Variants in PRRX2 observed in about 807,000 individuals in gnomAD.
The protein encoded by PRRX2 is paired related homeobox 2.
Under a neutral mutation model 18.0 loss-of-function variants are expected in PRRX2, and 11 were observed. The observed-to-expected ratio is 0.61, with a 90% confidence interval of 0.39 to 1.01. The LOEUF (loss-of-function observed/expected upper bound fraction) is 1.01, where lower values mean the gene tolerates loss of function less well. Ranked by LOEUF, PRRX2 falls within the 50% of genes least tolerant of loss-of-function variation. PRRX2 has a pLI of 0.01. For missense variants in PRRX2, 387 were observed against 351.0 expected, an observed-to-expected ratio of 1.10 and a Z score of -0.82; for synonymous variants, 177 against 154.8, an observed-to-expected ratio of 1.14 and a Z score of -1.06.
intron 1 of PRRX2, among the ~76,000 whole-genome samples, chr9:129,711,034 T>G (rs2130930213): frequency 6.6e-6 from 1 of 152,266 alleles, no homozygotes; most frequent in South Asian, 2.1e-4. Context: ...TGAAGCCACA[T>G]GCTGCAGCCC....
intron 1 of PRRX2, among the ~76,000 whole-genome samples, chr9:129,694,440 C>G (rs1474472346): frequency 6.6e-6 from 1 of 152,262 alleles, no homozygotes; most frequent in Non-Finnish European, 1.5e-5. Flanking sequence ...CCGCCTCGGC[C>G]TCCCACAGTG....
At position 129,719,295 on chromosome 9, in the gene PRRX2, C is replaced by T. The variant is rs1433107882; in HGVS notation, c.324C>T (p.Arg108=). The stretch of plus-strand genomic sequence containing the variant: ...GGAAGAAGAAGCAGCGGCGGAACCG[C>T]ACCACGTTCAACAGCAGCCAACTGC... The part of the protein sequence containing the change: ...AKRKKKQRRN[R]TTFNSSQLQA... The change falls in exon 2 of 4, where the codon CGC becomes CGT. Residue 108 remains arginine (R), a synonymous_variant. Coordinates refer to ENST00000372469, the MANE Select transcript of PRRX2 (RefSeq NM_016307.4). The T allele has an allele frequency of 6.2e-7, 1 of 1,610,886 alleles. No individual in the cohort carries two copies. Among genetic ancestry groups the T allele is most frequent in the African/African-American group, 1.3e-5 (1 of 74,886 alleles).
intron 1 of PRRX2, among the ~76,000 whole-genome samples, chr9:129,694,711 T>C (rs117536156): frequency 0.019 from 2,869 of 152,294 alleles, 41 homozygotes; most frequent in Non-Finnish European, 0.033. Context: ...TTCTTCCTCT[T>C]GTTAATACTT....
chr9:129,672,331 G>T (rs902623371), intron 1 of PRRX2, among the ~76,000 whole-genome samples: 8 of 152,194 alleles, frequency 5.3e-5, no homozygotes, highest in East Asian at 1.9e-4. Context: ...CTGCATGTCG[G>T]CTGGGGCATC....
At chr9:129,678,046 C>G (rs1282324871) in intron 1 of PRRX2, among the ~76,000 whole-genome samples, 2 of 150,496 alleles carry the variant, frequency 1.3e-5, no homozygotes, top group Admixed American at 6.6e-5. Flanking sequence ...TCGCTACAAC[C>G]TCCGCCTCCA....
chr9:129,697,222 C>A (rs1021476504), intron 1 of PRRX2, among the ~76,000 whole-genome samples: 1 of 152,160 alleles, frequency 6.6e-6, no homozygotes. Context: ...GGCTCCCACC[C>A]GGGACCTGCC....
At chr9:129,693,414 C>T (rs543051077) in intron 1 of PRRX2, among the ~76,000 whole-genome samples, 8 of 152,072 alleles carry the variant, frequency 5.3e-5, no homozygotes, top group African/African-American at 1.7e-4. Context: ...GCCAACATGG[C>T]GAAACCCCGT....
At chr9:129,676,080 G>A (rs554314583) in intron 1 of PRRX2, among the ~76,000 whole-genome samples, 7 of 152,292 alleles carry the variant, frequency 4.6e-5, no homozygotes, top group East Asian at 1.9e-4. Context: ...GCACCCTCCC[G>A]TTTTTCCAGG....
intron 1 of PRRX2, among the ~76,000 whole-genome samples, chr9:129,679,385 C>T (rs1832200652): frequency 1.3e-5 from 2 of 152,210 alleles, no homozygotes; most frequent in South Asian, 2.1e-4. Flanking sequence ...CCATCATCGT[C>T]GGCCCCATGA....
intron 1 of PRRX2, among the ~76,000 whole-genome samples, chr9:129,694,950 C>A (rs765989965): frequency 6.6e-6 from 1 of 152,234 alleles, no homozygotes; most frequent in African/African-American, 2.4e-5. Flanking sequence ...ATCAGCCCCC[C>A]AAGACCCACT....
At chr9:129,684,322 T>C (rs1832269086) in intron 1 of PRRX2, among the ~76,000 whole-genome samples, 1 of 152,042 alleles carries the variant, frequency 6.6e-6, no homozygotes, top group Non-Finnish European at 1.5e-5. Context: ...CAGGCACTGC[T>C]GGATCCAGGC....
rs762929485 is a variant in PRRX2 at position 129,715,750 on chromosome 9, T to TCTCTCTCTCTCTCTCACA, written c.260-3480_260-3479insTCTCTCTCTCTCTCACAC. On this transcript the variant is annotated intron_variant, in intron 1 of 3. Coordinates refer to ENST00000372469, the MANE Select transcript of PRRX2 (RefSeq NM_016307.4). This position sits in a 1 kb window ranked among gnomAD's most constrained non-coding sequence, Gnocchi z 4.0. The stretch of plus-strand genomic sequence containing the variant: ...AAACCCAGCTTCAGGGACATCTTTC[T>TCTCTCTCTCTCTCTCACA]CACACACACACACACACACACACAC... Among the ~76,000 whole-genome samples the TCTCTCTCTCTCTCTCACA allele has an allele frequency of 4.9e-3, 681 of 138,910 alleles. 7 individuals carry two copies. Among genetic ancestry groups the TCTCTCTCTCTCTCTCACA allele is most frequent in the East Asian group, 0.048 (212 of 4,384 alleles). 91.1% of individuals were successfully genotyped at this position (138,910 alleles called of 152,430 possible).
rs7867297 is a variant in PRRX2, at chr9:129,669,547, C to T, written c.259+3421C>T. Among the ~76,000 whole-genome samples the T allele has an allele frequency of 5.0e-3, 769 of 152,362 alleles. 2 individuals are homozygous for T. Among genetic ancestry groups the T allele is most frequent in the African/African-American group, 0.017 (689 of 41,578 alleles). ...CTCTGGCCAGGGAAGGCTGGGCGGC[C>T]AGTGCTCAGGGCTGGTACCTGCTTT... is the stretch of plus-strand genomic sequence containing the variant. On this transcript the variant is annotated intron_variant, in intron 1 of 3. Transcript: ENST00000372469.
At chr9:129,702,999 G>A (rs1832515776) in intron 1 of PRRX2, among the ~76,000 whole-genome samples, 1 of 152,254 alleles carries the variant, frequency 6.6e-6, no homozygotes, top group African/African-American at 2.4e-5. Context: ...CATGTCGTGG[G>A]GACCACAGGG....
At chr9:129,690,216 C>T (rs1052389361) in intron 1 of PRRX2, among the ~76,000 whole-genome samples, 7 of 152,226 alleles carry the variant, frequency 4.6e-5, no homozygotes, top group Non-Finnish European at 7.3e-5. Flanking sequence ...GCGTCATTCT[C>T]TCCCTGAGAG....
intron 1 of PRRX2, among the ~76,000 whole-genome samples, chr9:129,691,834 A>G (rs937807310): frequency 6.6e-6 from 1 of 151,310 alleles, no homozygotes; most frequent in South Asian, 2.1e-4. Context: ...ACACACCACC[A>G]TGCTCAGCTA....
At chr9:129,676,290 C>T (rs1344814887) in intron 1 of PRRX2, among the ~76,000 whole-genome samples, 1 of 152,224 alleles carries the variant, frequency 6.6e-6, no homozygotes, top group African/African-American at 2.4e-5. Flanking sequence ...TCCAGCCCCA[C>T]CTCTGGCCCG....
At chr9:129,700,819 A>G (rs370884501) in intron 1 of PRRX2, among the ~76,000 whole-genome samples, 10 of 151,954 alleles carry the variant, frequency 6.6e-5, no homozygotes, top group African/African-American at 2.4e-4. Flanking sequence ...GGGTTTTGCC[A>G]TGTTGTCCAG....
In PRRX2 at chr9:129,720,675, A is replaced by G; in HGVS notation, c.527A>G (p.Lys176Arg). The G allele has an allele frequency of 6.2e-7, 1 of 1,613,508 alleles. No individual in the cohort carries two copies. The highest frequency in any genetic ancestry group is 8.5e-7 in the Non-Finnish European group (1 of 1,179,862). Reference protein sequence around the residue: ...MLASRSASLLKSYSQEAAIEQ... With the variant: ...MLASRSASLLRSYSQEAAIEQ... ...GCCAGCCGCTCTGCCTCGCTGCTCA[A>G]GTCCTACAGCCAGGAGGCCGCCATC... The change falls in exon 3 of 4, where the codon AAG becomes AGG. Residue 176 changes from lysine to arginine, a missense_variant. Physicochemically the swap from Lys to Arg is conservative, Grantham distance 26 (BLOSUM62 2). Transcript: ENST00000372469.
Sources: allele counts gnomAD v4.1 joint callset (sites outside exome capture counted in the v4.1 genomes callset), GRCh38; gene constraint gnomAD v4.1.1; non-coding constraint Gnocchi (gnomAD v3.1); transcripts MANE v1.5; gene names NCBI Gene and HGNC (gene_info 2026-07-23, HGNC 2026-07-21).